Variants in LINGO2 observed in about 807,000 individuals in gnomAD.
The protein encoded by LINGO2 is leucine-rich repeat and immunoglobulin-like domain-containing nogo receptor-interacting protein 2.
Under a neutral mutation model 30.6 loss-of-function variants are expected in LINGO2, and 14 were observed. The observed-to-expected ratio is 0.46, with a 90% CI of 0.30 to 0.72. The LOEUF (loss-of-function observed/expected upper bound fraction) is 0.72, where lower values mean the gene tolerates loss of function less well. Among genes scored for constraint, LINGO2 ranks in the 30% least tolerant of loss-of-function variants. LINGO2 has a pLI of 0.07. For missense variants in LINGO2, 729 were observed against 751.7 expected, an observed-to-expected ratio of 0.97 and a Z score of 0.35; for synonymous variants, 317 against 288.5, an observed-to-expected ratio of 1.10 and a Z score of -1.00.
At chr9:28,277,585 C>T (rs564586512) in intron 4 of LINGO2, among the ~76,000 whole-genome samples, 1 of 152,184 alleles carries the variant, frequency 6.6e-6, no homozygotes, top group South Asian at 2.1e-4. Flanking sequence ...GGGCAGGTCA[C>T]CTGAGGTCAG....
chr9:28,330,507 T>G (rs1564127429), intron 3 of LINGO2, among the ~76,000 whole-genome samples: 1 of 152,206 alleles, frequency 6.6e-6, no homozygotes, highest in Non-Finnish European at 1.5e-5. Flanking sequence ...GATGGTCATA[T>G]TTTTAATCTC....
chr9:28,097,233 G>T (rs1422174515), intron 4 of LINGO2, among the ~76,000 whole-genome samples: 2 of 152,090 alleles, frequency 1.3e-5, no homozygotes, highest in Non-Finnish European at 2.9e-5. Flanking sequence ...TTACACTGTT[G>T]GTGGGACTGT....
the LINGO2 span, chr9:28,888,894 G>A: frequency 1.9e-6 from 1 of 533,748 alleles, no homozygotes; most frequent in African/African-American, 1.9e-5. Flanking sequence ...GGTGTTCCCG[G>A]GAACTCATCA....
intron 5 of LINGO2, among the ~76,000 whole-genome samples, chr9:27,991,975 C>T (rs746755244): frequency 2.0e-5 from 3 of 152,026 alleles, no homozygotes; most frequent in South Asian, 2.1e-4. Flanking sequence ...CAATATCGTA[C>T]ACTCATTTTC....
At position 28,233,058 on chromosome 9, in the gene LINGO2, ATAT is replaced by A. The variant is rs1564062962; in HGVS notation, c.-87+62147_-87+62149del. Among the ~76,000 whole-genome samples, 6 of 126,274 alleles carry A rather than the reference ATAT, an allele frequency of 4.8e-5. 1 individual carries two copies. Among genetic ancestry groups the A allele is most frequent in the African/African-American group, 9.6e-5 (3 of 31,206 alleles). The allele number at this position is 126,274 out of a possible 152,430, so 82.8% of individuals were successfully genotyped here. On this transcript the variant is annotated intron_variant, in intron 4 of 5. Transcript: ENST00000379992. Reference sequence around the variant, plus strand: ...TATATATATATATATATATATATATATATTAGATATATAATAGATATACAGTAA... The same window carrying A: ...TATATATATATATATATATATATATATAGATATATAATAGATATACAGTAA...
the LINGO2 span, among the ~76,000 whole-genome samples, chr9:28,859,532 A>G: frequency 6.6e-6 from 1 of 152,044 alleles, no homozygotes; most frequent in African/African-American, 2.4e-5. Context: ...ATTTGATATG[A>G]CATCTATTTA....
At chr9:28,680,822 T>C in the LINGO2 span, among the ~76,000 whole-genome samples, 5 of 152,100 alleles carry the variant, frequency 3.3e-5, no homozygotes, top group Non-Finnish European at 7.4e-5. Context: ...AGGTTATTTG[T>C]TGTCCTGCTA....
intron 4 of LINGO2, among the ~76,000 whole-genome samples, chr9:28,199,404 T>C (rs904545169): frequency 1.4e-5 from 2 of 148,018 alleles, no homozygotes; most frequent in Admixed American, 6.8e-5. Flanking sequence ...AGTGGCGCGA[T>C]CTTGGCTCAC....
At chr9:28,639,783 G>A (rs560096115) in intron 1 of LINGO2, among the ~76,000 whole-genome samples, 2 of 152,234 alleles carry the variant, frequency 1.3e-5, no homozygotes, top group East Asian at 3.9e-4. Flanking sequence ...CAATTTGCCA[G>A]TCTGTGTCTT....
At chr9:28,817,553 T>G in the LINGO2 span, among the ~76,000 whole-genome samples, 4 of 152,208 alleles carry the variant, frequency 2.6e-5, no homozygotes, top group Non-Finnish European at 5.9e-5. Context: ...CACGACCCAC[T>G]TTTCAAAGTT....
chr9:28,148,269 T>C lies in LINGO2; in HGVS notation c.-86-135864A>G, dbSNP rs1338021313. On this transcript the variant is annotated intron_variant, in intron 4 of 5. Coordinates refer to ENST00000379992, the Ensembl canonical transcript of LINGO2. The surrounding 1 kb of genome is among the most constrained non-coding windows in gnomAD (Gnocchi z 5.1). The stretch of plus-strand genomic sequence containing the variant: ...ACCCCACAGAGGGTCCTGTCTCCTG[T>C]GGTCTGGAGCCCCGCCTCAAGGAAG... 5 of 767,874 alleles carry C rather than the reference T, an allele frequency of 6.5e-6. No individual in the cohort carries two copies. The highest frequency in any genetic ancestry group is 2.4e-4 in the Middle Eastern group (1 of 4,082). The allele number at this position is 767,874 out of a possible 1,614,324, so 47.6% of individuals were successfully genotyped here. A position where few individuals can be genotyped will look rare whatever the true frequency, so the allele number is the denominator to read the frequency against.
chr9:28,894,926 A>C, the LINGO2 span, among the ~76,000 whole-genome samples: 2 of 152,132 alleles, frequency 1.3e-5, no homozygotes, highest in Non-Finnish European at 2.9e-5. Flanking sequence ...TATAGTCATC[A>C]AGCTATACAA....
chr9:28,778,372 C>T, the LINGO2 span, among the ~76,000 whole-genome samples: 2 of 152,160 alleles, frequency 1.3e-5, no homozygotes, highest in South Asian at 4.1e-4. Context: ...TCTGGGAAAA[C>T]TATAAATCAA....
chr9:28,323,678 A>C (rs1825126779), intron 3 of LINGO2, among the ~76,000 whole-genome samples: 1 of 152,200 alleles, frequency 6.6e-6, no homozygotes, highest in Non-Finnish European at 1.5e-5. Context: ...TCCAGAGCGT[A>C]GCATCAAAGC....
At chr9:29,047,860 G>A in the LINGO2 span, among the ~76,000 whole-genome samples, 1 of 152,062 alleles carries the variant, frequency 6.6e-6, no homozygotes, top group African/African-American at 2.4e-5. Flanking sequence ...CAGCACTTTG[G>A]GAGGCTGAGG....
Position 28,047,762 on chromosome 9 carries a change from A to G in LINGO2, c.-86-35357T>C, listed in dbSNP as rs1243598913. Among the ~76,000 whole-genome samples, 3 of 148,558 alleles carry G rather than the reference A, an allele frequency of 2.0e-5. 1 individual carries two copies. Among genetic ancestry groups the G allele is most frequent in the African/African-American group, 7.5e-5 (3 of 40,136 alleles). The stretch of plus-strand genomic sequence containing the variant: ...TAGCTGTCATTTTATTAAAAGCAAT[A>G]GAACACTTAAAATTATACTGAACAA... On this transcript the variant is annotated intron_variant, in intron 4 of 5. Transcript: ENST00000379992.
At chr9:28,679,517 A>T in the LINGO2 span, among the ~76,000 whole-genome samples, 1 of 152,072 alleles carries the variant, frequency 6.6e-6, no homozygotes, top group African/African-American at 2.4e-5. Context: ...GCCCTTAAAA[A>T]CTAGAAATAG....
At chr9:28,558,349 C>T (rs1822861887) in intron 1 of LINGO2, among the ~76,000 whole-genome samples, 1 of 151,908 alleles carries the variant, frequency 6.6e-6, no homozygotes, top group African/African-American at 2.4e-5. Flanking sequence ...CTGGGTTCTG[C>T]TGTAGATCTC....
At chr9:28,422,619 C>T (rs1205074153) in intron 2 of LINGO2, among the ~76,000 whole-genome samples, 2 of 151,920 alleles carry the variant, frequency 1.3e-5, no homozygotes, top group Admixed American at 6.6e-5. Context: ...ATTATGGGTC[C>T]ACAAAAACTT....
Sources: gnomAD v4.1 joint callset for allele counts (sites outside exome capture counted in the v4.1 genomes callset) on GRCh38, gnomAD v4.1.1 for gene constraint, Gnocchi (gnomAD v3.1) non-coding constraint, MANE v1.5 for transcripts, NCBI Gene and HGNC (gene_info 2026-07-23, HGNC 2026-07-21) for gene names.